FRY: variants seen among roughly 807,000 people sequenced by gnomAD.
FRY encodes the protein FRY microtubule binding protein.
In FRY, 128 loss-of-function variants were observed where a neutral mutation model predicts 348.4. That is an observed-to-expected ratio of 0.37 (90% confidence interval 0.32 to 0.43). The LOEUF is 0.43. Ranked by LOEUF, FRY falls within the 20% of genes least tolerant of loss-of-function variation. The pLI, the probability that FRY is intolerant of heterozygous loss-of-function variation, is 1.00. For missense variants in FRY, 2,736 were observed against 3,695.2 expected (o/e 0.74, Z 6.73); for synonymous variants, 1,370 against 1,374.7 (o/e 1.00, Z 0.08).
chr13:32,065,601 C>T (rs377436943), intron 1 of FRY, among the ~76,000 whole-genome samples: 1 of 148,984 alleles, frequency 6.7e-6, no homozygotes, highest in Non-Finnish European at 1.5e-5. Context: ...CCACAGCGCC[C>T]GACCAAAAAA....
intron 51 of FRY, among the ~76,000 whole-genome samples, chr13:32,255,718 C>T (rs1887295341): frequency 6.6e-6 from 1 of 152,210 alleles, no homozygotes; most frequent in African/African-American, 2.4e-5. Flanking sequence ...AGAAAGCATT[C>T]ACTGAATGCA....
rs774950726 is a variant in FRY at position 32,265,504 on chromosome 13, A to C, written c.7834A>C (p.Ser2612Arg). The C allele has an allele frequency of 1.7e-5, 27 of 1,614,068 alleles. No homozygotes were observed. The highest frequency in any genetic ancestry group is 2.3e-5 in the Non-Finnish European group (27 of 1,180,010). ...CACCGTGCATGAGGATGATCTTTCT[A>C]GTTCCATCAATGAACTCCCAGCAGC... ...DTTVHEDDLS[S>R]SINELPAAFE... The change falls in exon 54 of 61, where the codon AGT becomes CGT. Residue 2612 changes from serine (S) to arginine (R), a missense_variant. Ser to Arg is a moderately radical substitution (Grantham distance 110, BLOSUM62 -1). Coordinates refer to ENST00000542859, the MANE Select transcript of FRY (RefSeq NM_023037.3).
intron 50 of FRY, 160 bp from the exon 51 acceptor site, chr13:32,254,064 C>A (rs931017652): frequency 2.8e-6 from 2 of 720,010 alleles, no homozygotes; most frequent in Non-Finnish European, 4.9e-6. Flanking sequence ...TCTGAAGGCA[C>A]CTGTCCAACA....
At chr13:32,195,707 AAT>A (rs1418667616) in intron 29 of FRY, among the ~76,000 whole-genome samples, 2 of 152,236 alleles carry the variant, frequency 1.3e-5, no homozygotes, top group Non-Finnish European at 2.9e-5. Context: ...CAATTTCAAT[AAT>A]ATCTCTAGTC....
intron 2 of FRY, among the ~76,000 whole-genome samples, chr13:32,080,309 T>A (rs1287038182): frequency 6.6e-6 from 1 of 152,240 alleles, no homozygotes; most frequent in East Asian, 1.9e-4. Context: ...ATAGCTGATA[T>A]CTGTGGTGTA....
At position 32,178,286 on chromosome 13, in the gene FRY, T is replaced by C. The variant is rs768254933; in HGVS notation, c.2531T>C (p.Phe844Ser). ...AAAAGCCCTTCCCATGTCTGGATAT[T>C]TGCACAGTCTGTCAAAGACCCCTGG... The part of the protein sequence containing the change: ...DVKSPSHVWI[F>S]AQSVKDPWVL... Residue 844 changes from phenylalanine (F) to serine (S), a missense_variant, in exon 21 of 61, where the codon TTT becomes TCT. This residue lies in a region of FRY where 449 missense variants were observed against 576.9 expected (regional missense o/e 0.78). Coordinates refer to ENST00000542859, the MANE Select transcript of FRY (RefSeq NM_023037.3). 1 of 1,614,228 alleles carries C rather than the reference T, an allele frequency of 6.2e-7. No individual in the cohort carries two copies. The highest frequency in any genetic ancestry group is 8.5e-7 in the Non-Finnish European group (1 of 1,180,036).
At chr13:32,215,161 C>A (rs1884917247) in intron 35 of FRY, among the ~76,000 whole-genome samples, 1 of 151,442 alleles carries the variant, frequency 6.6e-6, no homozygotes, top group African/African-American at 2.4e-5. Flanking sequence ...GCCCCAGTAG[C>A]CAAAGTAAGA....
chr13:32,069,589 A>G (rs1049926270), intron 1 of FRY, among the ~76,000 whole-genome samples: 3 of 152,246 alleles, frequency 2.0e-5, no homozygotes, highest in Admixed American at 6.5e-5. Flanking sequence ...TATACATACA[A>G]TGGAATATTA....
chr13:32,202,205 T>A, intron 30 of FRY, 151 bp from the exon 31 acceptor site: 4 of 768,952 alleles, frequency 5.2e-6, no homozygotes, highest in Non-Finnish European at 6.7e-6. Flanking sequence ...TTTGTAAACA[T>A]ACTAATTAAA....
chr13:32,043,645 G>A (rs74044320), intron 1 of FRY, among the ~76,000 whole-genome samples: 1,560 of 152,228 alleles, frequency 0.01, 33 homozygotes, highest in African/African-American at 0.036. Context: ...AACCTCTAGT[G>A]GGAGTAGAGT....
chr13:32,264,752 A>G (rs1242455213), intron 53 of FRY, among the ~76,000 whole-genome samples: 3 of 152,142 alleles, frequency 2.0e-5, no homozygotes, highest in Non-Finnish European at 4.4e-5. Flanking sequence ...AAGAGCAGAT[A>G]CTCATATCTG....
intron 47 of FRY, among the ~76,000 whole-genome samples, chr13:32,246,929 A>G (rs150299798): frequency 5.5e-5 from 8 of 144,242 alleles, no homozygotes; most frequent in African/African-American, 1.8e-4. Context: ...CCAGAGAACT[A>G]GAAGGAGGAC....
chr13:32,245,215 G>A (rs530639117), intron 47 of FRY, among the ~76,000 whole-genome samples: 1 of 152,088 alleles, frequency 6.6e-6, no homozygotes, highest in Non-Finnish European at 1.5e-5. Context: ...CCAAAGTGCT[G>A]GGATTACAGG....
At chr13:32,263,340 T>C (rs1346975739) in intron 53 of FRY, among the ~76,000 whole-genome samples, 1 of 152,252 alleles carries the variant, frequency 6.6e-6, no homozygotes, top group Non-Finnish European at 1.5e-5. Flanking sequence ...TTCTATATTC[T>C]CTGATAGCAT....
rs1386545230 is a variant in FRY, at chr13:32,173,538, G to A, written c.2323G>A (p.Gly775Arg). The change falls in exon 19 of 61, where the codon GGG (glycine) becomes AGG (arginine). Residue 775 changes from glycine to arginine, a missense_variant. Gly to Arg is a moderately radical substitution (Grantham distance 125). Transcript: ENST00000542859. Reference sequence around the variant, plus strand: ...AATTCGAGCGTTGTTTATTGCCCTGGGGCAGCCTGAGGTATGGATTAGTCT... The same window carrying A: ...AATTCGAGCGTTGTTTATTGCCCTGAGGCAGCCTGAGGTATGGATTAGTCT... The part of the protein sequence containing the change: ...KEIRALFIAL[G>R]QPEDDDRPMI... The A allele has an allele frequency of 1.2e-6, 2 of 1,612,760 alleles. No homozygotes were observed. Among genetic ancestry groups the A allele is most frequent in the African/African-American group, 1.3e-5 (1 of 74,820 alleles).
At chr13:32,188,520 TC>T (rs1196228117) in intron 28 of FRY, among the ~76,000 whole-genome samples, 1 of 152,132 alleles carries the variant, frequency 6.6e-6, no homozygotes, top group Non-Finnish European at 1.5e-5. Context: ...GGTAAAGTTC[TC>T]CCAGGTATTT....
In FRY at chr13:32,031,966, G is replaced by T. The variant is rs1437000745; in HGVS notation, c.70+101G>T. 2.0e-5 allele frequency: 14 copies of T among 695,136 alleles called. No homozygotes were observed. In the African/African-American group the frequency reaches 2.4e-4, roughly 12 times the overall value. The allele number at this position is 695,136 out of a possible 1,614,324, so 43.1% of individuals were successfully genotyped here. A position where few individuals can be genotyped will look rare whatever the true frequency, so the allele number is the denominator to read the frequency against. ...CTGGACACATATGTTTGTGAGCCGC[G>T]GAAGTTTTTCTTTTTTTCTTTTCTT... On this transcript the variant is annotated intron_variant, in intron 1 of 60. Coordinates refer to ENST00000542859, the MANE Select transcript of FRY (RefSeq NM_023037.3).
At chr13:32,251,735 C>T in intron 49 of FRY, 143 bp from the exon 50 acceptor site, 7 of 664,396 alleles carry the variant, frequency 1.1e-5, no homozygotes, top group South Asian at 1.7e-5. Flanking sequence ...TATTTGTGTT[C>T]TTTTTTCATA....
chr13:32,108,024 G>GTGTATA lies in FRY; in HGVS notation c.324+6016_324+6021dup, dbSNP rs1278089038. On this transcript the variant is annotated intron_variant, in intron 3 of 60. Coordinates refer to ENST00000542859, the MANE Select transcript of FRY (RefSeq NM_023037.3). The stretch of plus-strand genomic sequence containing the variant: ...AATTTAGCAAACACTTACTGTGCAT[G>GTGTATA]TGTATATGTATATACATACACACAA... Among the ~76,000 whole-genome samples, 3 of 152,316 alleles carry GTGTATA rather than the reference G, an allele frequency of 2.0e-5. No homozygotes were observed. In the East Asian group the frequency reaches 5.8e-4, roughly 29 times the overall value.
Sources: gnomAD v4.1 joint callset for allele counts (sites outside exome capture counted in the v4.1 genomes callset) on GRCh38, gnomAD v4.1.1 for gene constraint, gnomAD v4.1.1 regional missense constraint, MANE v1.5 for transcripts, NCBI Gene and HGNC (gene_info 2026-07-23, HGNC 2026-07-21) for gene names.